FCRLA: variants seen among roughly 807,000 people sequenced by gnomAD.
The protein encoded by FCRLA is Fc receptor like A, also known as Fc receptor-like A.
Under a neutral mutation model 28.4 loss-of-function variants are expected in FCRLA, and 26 were observed. The ratio of observed to expected loss-of-function variants is 0.91; its 90% CI spans 0.67 to 1.27. FCRLA has a LOEUF of 1.27. FCRLA is among the 50% of genes most tolerant of loss of function. FCRLA has a pLI of 0.00. For synonymous variants in FCRLA, 174 were observed against 168.5 expected (o/e 1.03, Z -0.25); for missense variants, 422 against 433.1 (o/e 0.97, Z 0.23).
rs1683085761 is a variant in FCRLA at position 161,711,277 on chromosome 1, C to A, written c.302C>A (p.Ala101Asp). 6.2e-7 allele frequency: 1 copy of A among 1,614,234 alleles called. No individual in the cohort carries two copies. Among genetic ancestry groups the A allele is most frequent in the East Asian group, 2.2e-5 (1 of 44,886 alleles). The part of the protein sequence containing the change: ...EGDLLVLRCQ[A>D]WQDWPLTQVT... Reference sequence around the variant, plus strand: ...GACCTGCTGGTTCTGCGCTGCCAGGCCTGGCAAGACTGGCCACTGACTCAG... The same window carrying A: ...GACCTGCTGGTTCTGCGCTGCCAGGACTGGCAAGACTGGCCACTGACTCAG... Residue 101 changes from alanine (A) to aspartate (D), a missense_variant, in exon 3 of 5, where the codon GCC becomes GAC. Physicochemically the swap from Ala to Asp is moderately radical, Grantham distance 126. This residue lies in a region of FCRLA where 231 missense variants were observed against 214.6 expected (regional missense o/e 1.08). Transcript: ENST00000236938.
At position 161,712,247 on chromosome 1, in the gene FCRLA, T is replaced by G. The variant is rs770326743; in HGVS notation, c.784+29T>G. On this transcript the variant is annotated intron_variant, in intron 4 of 4. Coordinates refer to ENST00000236938, the MANE Select transcript of FCRLA (RefSeq NM_032738.4). ...AGTTCGCATCAGAGTGCAGGTTGTC[T>G]GTTTGGCATGCGTGTGAGTGAAAAG... The G allele has an allele frequency of 1.9e-6, 3 of 1,592,470 alleles. No homozygotes were observed. In the South Asian group the frequency reaches 3.4e-5, roughly 18 times the overall value.
At chr1:161,711,808 C>T (rs1430593006) in intron 3 of FCRLA, 126 bp from the exon 4 acceptor site, 1 of 1,187,326 alleles carries the variant, frequency 8.4e-7, no homozygotes, top group Non-Finnish European at 1.2e-6. Context: ...CAAATGGAAT[C>T]TAAGAGAGCC....
chr1:161,710,655 C>A, intron 1 of FCRLA, 105 bp from the exon 2 acceptor site: 1 of 1,485,540 alleles, frequency 6.7e-7, no homozygotes, highest in Non-Finnish European at 9.3e-7. Flanking sequence ...TCTTACTAGT[C>A]TCATTCTAAA....
At chr1:161,711,593 T>G (rs1283346660) in intron 3 of FCRLA, 119 bp downstream of exon 3, 1 of 1,338,944 alleles carries the variant, frequency 7.5e-7, no homozygotes, top group Non-Finnish European at 1.0e-6. Flanking sequence ...AGCAGGTTGC[T>G]GGCAAATGCC....
Position 161,713,424 on chromosome 1 carries a change from A to T in FCRLA, c.*44A>T. 1 of 1,472,440 alleles carries T rather than the reference A, an allele frequency of 6.8e-7. No individual in the cohort carries two copies. Among genetic ancestry groups the T allele is most frequent in the South Asian group, 1.3e-5 (1 of 78,944 alleles). 91.2% of individuals were successfully genotyped at this position (1,472,440 alleles called of 1,614,324 possible). A position where few individuals can be genotyped will look rare whatever the true frequency, so the allele number is the denominator to read the frequency against. On this transcript the variant is annotated 3_prime_UTR_variant, in exon 5 of 5. Transcript: ENST00000236938. ...TGATCTCACTTAACCACCCCAATAA[A>T]TCTGATTCTTTATTTTCTCTTCCTG...
intron 1 of FCRLA, among the ~76,000 whole-genome samples, chr1:161,708,971 G>A (rs1682965305): frequency 6.6e-6 from 1 of 152,076 alleles, no homozygotes; most frequent in African/African-American, 2.4e-5. Context: ...AGATACTCCT[G>A]TTTCAAGCCC....
rs749816661 is a variant in FCRLA, at chr1:161,710,795, G to A, written c.115G>A (p.Val39Ile). ...SFETLQCEGP[V>I]CTEESSCHTE... The stretch of plus-strand genomic sequence containing the variant: ...TGAGACGCTGCAGTGTGAGGGACCT[G>A]TCTGCACTGAGGAGAGCAGCTGCCA... The change falls in exon 2 of 5, where the codon GTC (valine) becomes ATC (isoleucine). Residue 39 changes from valine (V) to isoleucine (I), a missense_variant. Val to Ile is a conservative substitution (Grantham distance 29). Transcript: ENST00000236938. 6.2e-6 allele frequency: 10 copies of A among 1,613,992 alleles called. No homozygotes were observed. The South Asian group carries it at 6.6e-5, about 11-fold the overall frequency.
chr1:161,707,595 A>G (rs993034020), intron 1 of FCRLA, among the ~76,000 whole-genome samples: 3 of 152,096 alleles, frequency 2.0e-5, no homozygotes, highest in African/African-American at 7.2e-5. Context: ...CTTTTCTTTC[A>G]CTTGTGAGAC....
At chr1:161,711,557 G>A in intron 3 of FCRLA, 83 bp downstream of exon 3, 2 of 1,502,278 alleles carry the variant, frequency 1.3e-6, no homozygotes, top group Non-Finnish European at 1.8e-6. Context: ...TAGCCTGGAG[G>A]TAGCAAGATC....
chr1:161,710,636 G>C (rs1042260508), intron 1 of FCRLA, 124 bp from the exon 2 acceptor site: 9 of 1,445,730 alleles, frequency 6.2e-6, no homozygotes, highest in East Asian at 2.4e-5. Context: ...AAAAAAAAAG[G>C]TTTTGATGTC....
chr1:161,711,580 T>C, intron 3 of FCRLA, 106 bp downstream of exon 3: 2 of 1,406,534 alleles, frequency 1.4e-6, no homozygotes, highest in South Asian at 2.9e-5. Flanking sequence ...CAACAGACTA[T>C]GGAGCAGGTT....
At chr1:161,710,097 A>G (rs1452090556) in intron 1 of FCRLA, among the ~76,000 whole-genome samples, 1 of 152,188 alleles carries the variant, frequency 6.6e-6, no homozygotes, top group African/African-American at 2.4e-5. Context: ...AGCCAAGTGA[A>G]GTTTGGGAAA....
rs138029345 is a variant in FCRLA at position 161,711,133 on chromosome 1, A to T, written c.233-75A>T. 1,523 of 1,538,988 alleles carry T rather than the reference A, an allele frequency of 9.9e-4. 1 individual carries two copies. The highest frequency in any genetic ancestry group is 1.9e-3 in the Middle Eastern group (8 of 4,194). On this transcript the variant is annotated intron_variant, in intron 2 of 4. Transcript: ENST00000236938. ...TTACCTGGACCCTCAGAGAAAGTTT[A>T]GGGGAGTAGGCATGCTTGGGGGTGG...
chr1:161,711,776 T>C, intron 3 of FCRLA, 158 bp from the exon 4 acceptor site: 1 of 971,516 alleles, frequency 1.0e-6, no homozygotes, highest in Admixed American at 2.3e-5. Flanking sequence ...CCTGTCTACT[T>C]ACAGAAAGAA....
At chr1:161,710,289 G>A in intron 1 of FCRLA, 1 of 613,262 alleles carries the variant, frequency 1.6e-6, no homozygotes, top group Non-Finnish European at 2.9e-6. Flanking sequence ...GTTTCTTTAA[G>A]ATTATAAAAT....
At position 161,711,226 on chromosome 1, in the gene FCRLA, G is replaced by A. The variant is rs752188139; in HGVS notation, c.251G>A (p.Gly84Asp). The change falls in exon 3 of 5, where the codon GGT (glycine) becomes GAT (aspartate). Residue 84 changes from glycine to aspartate, a missense_variant. Transcript: ENST00000236938. ...ACCATAGACTGGCTGATCCTCCAAG[G>A]TCCAGCCAAGCCAGTTTTTGAAGGG... ...IVSYDWLILQ[G>D]PAKPVFEGDL... The A allele has an allele frequency of 3.1e-6, 5 of 1,613,752 alleles. No individual in the cohort carries two copies. The highest frequency in any genetic ancestry group is 3.3e-5 in the Admixed American group (2 of 60,000).
At position 161,712,099 on chromosome 1, in the gene FCRLA, C is replaced by CTG; in HGVS notation, c.665_666insTG (p.Ser223AlafsTer35). On this transcript the variant is annotated frameshift_variant, in exon 4 of 5. Transcript: ENST00000236938. LOFTEE classifies it high-confidence loss of function. ...AGGATAGTGCAAAGCAGGGGGCTCT[C>CTG]CTCAGAATTCCAGATCCCCACAGCT... The CTG allele has an allele frequency of 6.2e-7, 1 of 1,614,210 alleles. No individual in the cohort carries two copies.
Position 161,712,117 on chromosome 1 carries a change from C to T in FCRLA, c.683C>T (p.Pro228Leu). 7.4e-6 allele frequency: 12 copies of T among 1,614,200 alleles called. No homozygotes were observed. Among genetic ancestry groups the T allele is most frequent in the Non-Finnish European group, 9.3e-6 (11 of 1,180,030 alleles). ...SRGLSSEFQIPTASEDHSGSY... is the reference protein window; with the variant it reads ...SRGLSSEFQILTASEDHSGSY... ...GGGCTCTCCTCAGAATTCCAGATCCCCACAGCTTCAGAAGATCACTCCGGG... is the reference window on the plus strand; with the variant it reads ...GGGCTCTCCTCAGAATTCCAGATCCTCACAGCTTCAGAAGATCACTCCGGG... Residue 228 changes from proline (P) to leucine (L), a missense_variant, in exon 4 of 5, where the codon CCC becomes CTC. Pro to Leu is a moderately conservative substitution (Grantham distance 98). Coordinates refer to ENST00000236938, the MANE Select transcript of FCRLA (RefSeq NM_032738.4).
chr1:161,707,241 G>C lies in FCRLA; in HGVS notation c.-24G>C. The C allele has an allele frequency of 6.2e-7, 1 of 1,614,050 alleles. No homozygotes were observed. The highest frequency in any genetic ancestry group is 8.5e-7 in the Non-Finnish European group (1 of 1,179,940). The stretch of plus-strand genomic sequence containing the variant: ...GTTGAAGAAAATCAGTGTTGGGGTT[G>C]CAGGAGACCTAAACACAGTCACCAT... On this transcript the variant is annotated 5_prime_UTR_variant, in exon 1 of 5. Transcript: ENST00000236938.
Sources: gnomAD v4.1 joint callset for allele counts (sites outside exome capture counted in the v4.1 genomes callset) on GRCh38, gnomAD v4.1.1 for gene constraint, gnomAD v4.1.1 regional missense constraint, MANE v1.5 for transcripts, NCBI Gene and HGNC (gene_info 2026-07-23, HGNC 2026-07-21) for gene names.